The following PHF3 variants were observed in gnomAD, a reference collection of about 807,000 sequenced individuals.
PHF3 encodes the protein PHD finger protein 3.
A neutral mutation model predicts 178.4 loss-of-function variants in PHF3; 41 were observed. The observed-to-expected ratio is 0.23, with a 90% CI of 0.18 to 0.30. The LOEUF is 0.30. PHF3 is among the 10% of genes least tolerant of loss of function. The pLI is 1.00. For synonymous variants in PHF3, 842 were observed against 800.5 expected, an observed-to-expected ratio of 1.05 and a Z score of -0.88; for missense variants, 2,346 against 2,398.1, an observed-to-expected ratio of 0.98 and a Z score of 0.45.
chr6:63,721,544 T>C lies in PHF3; in HGVS notation c.*7836T>C, dbSNP rs532257188. 6.4e-7 allele frequency: 1 copy of C among 1,551,724 alleles called. No individual in the cohort carries two copies. Among genetic ancestry groups the C allele is most frequent in the East Asian group, 2.4e-5 (1 of 40,914 alleles). On this transcript the variant is annotated 3_prime_UTR_variant, in exon 16 of 16. Coordinates refer to ENST00000262043, the MANE Select transcript of PHF3 (RefSeq NM_001370348.2). ...CTATTGCCATGGGATTTACAAGATT[T>C]AAAGAAGATACTCCTCCAATATAGA...
chr6:63,666,855 C>T (rs1409942482), intron 2 of PHF3, among the ~76,000 whole-genome samples: 2 of 151,584 alleles, frequency 1.3e-5, no homozygotes, highest in Non-Finnish European at 2.9e-5. Flanking sequence ...GGGTTCAAGC[C>T]ATTCTCCTGC....
At chr6:63,642,758 A>C (rs1764627973) in intron 1 of PHF3, among the ~76,000 whole-genome samples, 1 of 152,182 alleles carries the variant, frequency 6.6e-6, no homozygotes, top group Non-Finnish European at 1.5e-5. Flanking sequence ...GAAAGCATTT[A>C]AGTAAAATTT....
intron 4 of PHF3, among the ~76,000 whole-genome samples, chr6:63,689,076 T>C (rs374493580): frequency 3.3e-5 from 5 of 152,220 alleles, no homozygotes; most frequent in Non-Finnish European, 7.3e-5. Flanking sequence ...AGTAGACCCT[T>C]AAAGAAGCAA....
chr6:63,714,691 A>G lies in PHF3; in HGVS notation c.*983A>G, dbSNP rs551839679. The G allele has an allele frequency of 1.3e-5, 2 of 152,278 alleles. No individual in the cohort carries two copies. The highest frequency in any genetic ancestry group is 2.1e-4 in the South Asian group (1 of 4,834). 9.4% of individuals were successfully genotyped at this position (152,278 alleles called of 1,614,324 possible). On this transcript the variant is annotated 3_prime_UTR_variant, in exon 16 of 16. Transcript: ENST00000262043. ...ACTACCTGTGAAACACTGTGCAGCT[A>G]TAGCCCACTTTATAGGTAAGTTTCT...
chr6:63,655,843 A>G (rs1273209333), intron 2 of PHF3, among the ~76,000 whole-genome samples: 8 of 151,894 alleles, frequency 5.3e-5, no homozygotes, highest in South Asian at 4.1e-4. Context: ...GGGTTTTGCT[A>G]TGTTGCCCAG....
At position 63,713,102 on chromosome 6, in the gene PHF3, A is replaced by T. The variant is rs370040563; in HGVS notation, c.5514A>T (p.Pro1838=). 22 of 1,613,746 alleles carry T rather than the reference A, an allele frequency of 1.4e-5. No homozygotes were observed. In the Admixed American group the frequency reaches 2.8e-4, roughly 21 times the overall value. Reference sequence around the variant, plus strand: ...GATTTCCACCACATTTGCCACCTCCATTACTTCCCCCTCCAGGCTTTGGCT... The same window carrying T: ...GATTTCCACCACATTTGCCACCTCCTTTACTTCCCCCTCCAGGCTTTGGCT... ...MFGFPPHLPP[P]LLPPPGFGFA... The change falls in exon 16 of 16, where the codon CCA becomes CCT. Residue 1838 remains proline, a synonymous_variant. Coordinates refer to ENST00000262043, the MANE Select transcript of PHF3 (RefSeq NM_001370348.2).
chr6:63,706,906 A>G (rs1234755810), intron 13 of PHF3, 30 bp downstream of exon 13: 2 of 1,598,430 alleles, frequency 1.3e-6, no homozygotes, highest in Admixed American at 3.4e-5. Flanking sequence ...TTTTCTGTGC[A>G]TGAATTGATA....
At position 63,698,596 on chromosome 6, in the gene PHF3, T is replaced by C. The variant is rs1767337336; in HGVS notation, c.2973T>C (p.Pro991=). Residue 991 remains proline (P), a synonymous_variant, in exon 8 of 16, where the codon CCT becomes CCC. Coordinates refer to ENST00000262043, the MANE Select transcript of PHF3 (RefSeq NM_001370348.2). The part of the protein sequence containing the change: ...YRSLMFNLKD[P]KNNILFKKVL... The stretch of plus-strand genomic sequence containing the variant: ...GTTTGATGTTTAATTTGAAAGATCC[T>C]AAAAACAATGTAAGTATGCTTTGTT... 6.4e-7 allele frequency: 1 copy of C among 1,567,382 alleles called. No individual in the cohort carries two copies. Among genetic ancestry groups the C allele is most frequent in the East Asian group, 2.3e-5 (1 of 44,388 alleles).
At chr6:63,648,126 TG>T (rs1764868097) in intron 2 of PHF3, among the ~76,000 whole-genome samples, 1 of 152,232 alleles carries the variant, frequency 6.6e-6, no homozygotes, top group Non-Finnish European at 1.5e-5. Context: ...TGAGGTCTTT[TG>T]AATTGCTTGC....
At chr6:63,647,626 A>G (rs1360343229) in intron 2 of PHF3, among the ~76,000 whole-genome samples, 4 of 152,200 alleles carry the variant, frequency 2.6e-5, no homozygotes, top group Non-Finnish European at 5.9e-5. Flanking sequence ...TGGACAGAAA[A>G]GGGTCTGTAG....
intron 3 of PHF3, among the ~76,000 whole-genome samples, chr6:63,683,220 T>C (rs961536581): frequency 6.6e-6 from 1 of 152,030 alleles, no homozygotes; most frequent in African/African-American, 2.4e-5. Context: ...AGATCAGAAC[T>C]ACGAGCAACA....
chr6:63,677,133 G>A (rs75321040), intron 2 of PHF3, among the ~76,000 whole-genome samples: 1 of 152,220 alleles, frequency 6.6e-6, no homozygotes, highest in African/African-American at 2.4e-5. Flanking sequence ...GTACTTATTA[G>A]ACAACTTAAT....
chr6:63,645,174 G>A (rs1764733029), intron 1 of PHF3, among the ~76,000 whole-genome samples: 1 of 152,134 alleles, frequency 6.6e-6, no homozygotes, highest in East Asian at 1.9e-4. Flanking sequence ...CACTGGGCCT[G>A]GCAGGAAAAT....
At position 63,678,232 on chromosome 6, in the gene PHF3, GAAA is replaced by G. The variant is rs1036615679; in HGVS notation, c.245-1761_245-1759del. ...TGAGACTCCGTCTCAAAAAAAAAAAGAAAAAAAAACAAAAAACAACAAAAAACA... is the reference window on the plus strand; with the variant it reads ...TGAGACTCCGTCTCAAAAAAAAAAAGAAAAAACAAAAAACAACAAAAAACA... On this transcript the variant is annotated intron_variant, in intron 2 of 15. Transcript: ENST00000262043. Among the ~76,000 whole-genome samples the G allele has an allele frequency of 1.4e-4, 20 of 143,432 alleles. No individual in the cohort carries two copies. In the East Asian group the frequency reaches 3.7e-3, roughly 27 times the overall value. The allele number at this position is 143,432 out of a possible 152,430, so 94.1% of individuals were successfully genotyped here.
chr6:63,654,417 A>G (rs1459251675), intron 2 of PHF3, among the ~76,000 whole-genome samples: 2 of 152,250 alleles, frequency 1.3e-5, no homozygotes, highest in Non-Finnish European at 2.9e-5. Context: ...GTAAGCACAT[A>G]CATACCCTTT....
intron 5 of PHF3, among the ~76,000 whole-genome samples, chr6:63,692,272 C>T (rs1241852848): frequency 3.9e-5 from 6 of 151,982 alleles, no homozygotes; most frequent in Admixed American, 2.6e-4. Flanking sequence ...TCTTTTTTGC[C>T]ATTTCTAGCC....
intron 3 of PHF3, among the ~76,000 whole-genome samples, chr6:63,682,170 T>C (rs1766467724): frequency 6.6e-6 from 1 of 152,092 alleles, no homozygotes; most frequent in Admixed American, 6.6e-5. Flanking sequence ...GGCTCAGGAC[T>C]AGGGAAGGGC....
chr6:63,690,631 A>G (rs1171732626), intron 4 of PHF3, among the ~76,000 whole-genome samples: 1 of 152,152 alleles, frequency 6.6e-6, no homozygotes, highest in Non-Finnish European at 1.5e-5. Flanking sequence ...TATTATCAAA[A>G]TCAGTAGCAC....
In PHF3 at chr6:63,702,494, G is replaced by A. The variant is rs1582107941; in HGVS notation, c.3100-14G>A. 1 of 1,538,848 alleles carries A rather than the reference G, an allele frequency of 6.5e-7. No individual in the cohort carries two copies. The highest frequency in any genetic ancestry group is 2.3e-5 in the East Asian group (1 of 43,550). ...TTTTAAATTTAATATTTTTAAAAAA[G>A]TATTTTCTGTTAGACCATAGAAATG... On this transcript the variant is annotated splice_polypyrimidine_tract_variant and intron_variant, in intron 9 of 15. Transcript: ENST00000262043.
Sources: allele counts gnomAD v4.1 joint callset (sites outside exome capture counted in the v4.1 genomes callset), GRCh38; gene constraint gnomAD v4.1.1; transcripts MANE v1.5; gene names NCBI Gene and HGNC (gene_info 2026-07-23, HGNC 2026-07-21).